The following FNBP1 variants were observed in gnomAD, a reference collection of about 807,000 sequenced individuals.
FNBP1 encodes formin-binding protein 1.
A neutral mutation model predicts 90.6 loss-of-function variants in FNBP1; 26 were observed. The observed-to-expected ratio is 0.29, with a 90% CI of 0.21 to 0.40. The LOEUF (loss-of-function observed/expected upper bound fraction) is 0.40, where lower values mean the gene tolerates loss of function less well. FNBP1 is among the 10% of genes least tolerant of loss of function. The probability of loss-of-function intolerance (pLI) is 1.00; values close to 1 mark genes in which losing one functional copy is unlikely to be tolerated. For missense variants in FNBP1, 635 were observed against 768.0 expected, an observed-to-expected ratio of 0.83 and a Z score of 2.05; for synonymous variants, 260 against 265.2, an observed-to-expected ratio of 0.98 and a Z score of 0.19.
chr9:129,932,601 T>C (rs1353150591), intron 6 of FNBP1, among the ~76,000 whole-genome samples: 1 of 152,222 alleles, frequency 6.6e-6, no homozygotes, highest in Non-Finnish European at 1.5e-5. Context: ...TGAGGTTTTT[T>C]GAGTTTCTTA....
intron 1 of FNBP1, among the ~76,000 whole-genome samples, chr9:130,026,370 TATA>T (rs2058339673): frequency 6.6e-6 from 1 of 151,962 alleles, no homozygotes; most frequent in Non-Finnish European, 1.5e-5. Flanking sequence ...GGCATGCGCC[TATA>T]GTCCCAGCTA....
In FNBP1 at chr9:129,888,351, G is replaced by A. The variant is rs2034863855; in HGVS notation, c.*2188C>T. ...TCCACTTGACTTGGTGAGGTCAGAA[G>A]TTCCTGAAGATCCCTGTCGTCCCCG... On this transcript the variant is annotated 3_prime_UTR_variant, in exon 17 of 17. Transcript: ENST00000446176. 4.3e-6 allele frequency: 1 copy of A among 232,684 alleles called. No homozygotes were observed. Among genetic ancestry groups the A allele is most frequent in the Non-Finnish European group, 8.5e-6 (1 of 117,754 alleles). 14.4% of individuals were successfully genotyped at this position (232,684 alleles called of 1,614,324 possible). A position where few individuals can be genotyped will look rare whatever the true frequency, so the allele number is the denominator to read the frequency against.
chr9:129,903,348 C>T (rs2037333708), intron 12 of FNBP1, among the ~76,000 whole-genome samples: 1 of 151,902 alleles, frequency 6.6e-6, no homozygotes, highest in Non-Finnish European at 1.5e-5. Context: ...TACCGCACCA[C>T]CCGGCAAAGG....
At chr9:129,976,198 C>T (rs1007935264) in intron 4 of FNBP1, among the ~76,000 whole-genome samples, 3 of 152,136 alleles carry the variant, frequency 2.0e-5, no homozygotes, top group African/African-American at 7.2e-5. Context: ...ACTCTCAGCA[C>T]TATAGACATT....
Position 129,890,625 on chromosome 9 carries a change from T to G in FNBP1, c.1847-79A>C. The stretch of plus-strand genomic sequence containing the variant: ...GGGTTCCAGGCGGGCATTTTGCTCT[T>G]GGCTACAAACTGCACCGCCCTGGGA... On this transcript the variant is annotated intron_variant, in intron 16 of 16. Coordinates refer to ENST00000446176, the MANE Select transcript of FNBP1 (RefSeq NM_015033.3). This position sits in a 1 kb window ranked among gnomAD's most constrained non-coding sequence, Gnocchi z 5.8. The G allele has an allele frequency of 2.1e-6, 2 of 960,636 alleles. No individual in the cohort carries two copies. The highest frequency in any genetic ancestry group is 2.9e-6 in the Non-Finnish European group (2 of 684,178). 59.5% of individuals were successfully genotyped at this position (960,636 alleles called of 1,614,324 possible).
chr9:129,919,987 G>A (rs1056265102), intron 10 of FNBP1, among the ~76,000 whole-genome samples: 3 of 152,164 alleles, frequency 2.0e-5, no homozygotes, highest in Admixed American at 6.6e-5. Context: ...TTTTGAGCTT[G>A]TGCTTCCTCT....
chr9:129,906,338 T>G (rs1052154242), intron 12 of FNBP1, among the ~76,000 whole-genome samples: 11 of 152,140 alleles, frequency 7.2e-5, no homozygotes, highest in African/African-American at 2.2e-4. Flanking sequence ...TTGAAAAGAG[T>G]GTTGATATGG....
At chr9:129,944,689 ATCACACCCACTGAAACC>A (rs1318453729) in intron 6 of FNBP1, among the ~76,000 whole-genome samples, 1 of 152,182 alleles carries the variant, frequency 6.6e-6, no homozygotes, top group Non-Finnish European at 1.5e-5. Flanking sequence ...CTACACATAC[ATCACACCCACTGAAACC>A]TCACACCCAG....
intron 5 of FNBP1, among the ~76,000 whole-genome samples, 178 bp downstream of exon 5, chr9:129,958,313 T>C (rs2047249964): frequency 6.6e-6 from 1 of 152,012 alleles, no homozygotes; most frequent in Admixed American, 6.6e-5. Context: ...GTGCCTGTAA[T>C]CTTAGCTACT....
At chr9:130,019,788 C>T (rs933747982) in intron 1 of FNBP1, among the ~76,000 whole-genome samples, 1 of 152,034 alleles carries the variant, frequency 6.6e-6, no homozygotes, top group East Asian at 1.9e-4. Context: ...AACGGAGTCT[C>T]GCTTCATCAC....
intron 10 of FNBP1, among the ~76,000 whole-genome samples, chr9:129,921,252 T>C (rs1443054696): frequency 6.6e-6 from 1 of 152,124 alleles, no homozygotes; most frequent in Non-Finnish European, 1.5e-5. Flanking sequence ...TTATCAATTA[T>C]GAATTTACAT....
chr9:130,045,218 G>A (rs1014541900), upstream of FNBP1: 6 of 152,258 alleles, frequency 3.9e-5, no homozygotes, highest in African/African-American at 1.4e-4. Flanking sequence ...ATAACAATGA[G>A]AACGGCCAGC....
At chr9:129,968,301 A>G (rs769421531) in intron 4 of FNBP1, among the ~76,000 whole-genome samples, 34 of 151,546 alleles carry the variant, frequency 2.2e-4, no homozygotes, top group Non-Finnish European at 4.9e-4. Flanking sequence ...AGGCTGAGGC[A>G]GGAAAATTGC....
At chr9:130,020,508 C>T (rs1368363000) in intron 1 of FNBP1, among the ~76,000 whole-genome samples, 1 of 152,140 alleles carries the variant, frequency 6.6e-6, no homozygotes, top group East Asian at 1.9e-4. Context: ...GCGTGCCCAG[C>T]TTATTAGGCA....
intron 6 of FNBP1, among the ~76,000 whole-genome samples, chr9:129,932,891 C>G (rs1468639906): frequency 6.6e-6 from 1 of 152,096 alleles, no homozygotes; most frequent in African/African-American, 2.4e-5. Flanking sequence ...ATCTGTTCCC[C>G]GAGCCCGTCC....
intron 1 of FNBP1, among the ~76,000 whole-genome samples, chr9:130,033,731 G>T (rs1024804336): frequency 2.6e-5 from 4 of 151,424 alleles, no homozygotes; most frequent in Non-Finnish European, 1.5e-5. Context: ...GGTGGCTCAC[G>T]CCTGTAATCA....
intron 4 of FNBP1, among the ~76,000 whole-genome samples, chr9:129,964,481 G>A (rs1311684061): frequency 1.3e-5 from 2 of 151,746 alleles, no homozygotes; most frequent in East Asian, 1.9e-4. Context: ...TAGTTTCTGG[G>A]GTGACAGCTA....
chr9:129,993,562 C>T (rs1196182709), intron 2 of FNBP1, among the ~76,000 whole-genome samples: 1 of 150,646 alleles, frequency 6.6e-6, no homozygotes, highest in Admixed American at 6.6e-5. Context: ...ACTATCCTCC[C>T]TCATCAGCCT....
chr9:129,926,147 T>G (rs904844966), intron 8 of FNBP1, among the ~76,000 whole-genome samples: 6 of 151,822 alleles, frequency 4.0e-5, no homozygotes, highest in Non-Finnish European at 8.8e-5. Context: ...AATTTTTGTA[T>G]TTTTAGTAGA....
Sources: allele counts gnomAD v4.1 joint callset (sites outside exome capture counted in the v4.1 genomes callset), GRCh38; gene constraint gnomAD v4.1.1; non-coding constraint Gnocchi (gnomAD v3.1); transcripts MANE v1.5; gene names NCBI Gene and HGNC (gene_info 2026-07-23, HGNC 2026-07-21).